Variants in FRYL observed in about 807,000 individuals in gnomAD.
FRYL encodes the protein FRY like transcription coactivator.
Under a neutral mutation model 351.2 loss-of-function variants are expected in FRYL, and 150 were observed. That is an observed-to-expected ratio of 0.43 (90% confidence interval 0.37 to 0.49). The LOEUF is 0.49. Ranked by LOEUF, FRYL falls within the 20% of genes least tolerant of loss-of-function variation. The pLI is 0.00. For synonymous variants in FRYL, 1,153 were observed against 1,257.1 expected, an observed-to-expected ratio of 0.92 and a Z score of 1.75; for missense variants, 3,036 against 3,619.3, an observed-to-expected ratio of 0.84 and a Z score of 4.13.
chr4:48,554,457 A>C (rs1379920279), intron 35 of FRYL, among the ~76,000 whole-genome samples: 1 of 151,718 alleles, frequency 6.6e-6, no homozygotes, highest in Non-Finnish European at 1.5e-5. Flanking sequence ...CCCCTGCGTC[A>C]GCCTCCGAGT....
At chr4:48,553,887 T>A (rs1161833820) in intron 35 of FRYL, among the ~76,000 whole-genome samples, 3 of 152,178 alleles carry the variant, frequency 2.0e-5, no homozygotes, top group Non-Finnish European at 4.4e-5. Flanking sequence ...TGGTTTGGAA[T>A]GTGGATATAC....
chr4:48,567,348 T>C lies in FRYL; in HGVS notation c.3069A>G (p.Arg1023=). The change falls in exon 28 of 64, where the codon AGA becomes AGG. Residue 1023 remains arginine (R), a synonymous_variant. Transcript: ENST00000358350. The surrounding 1 kb of genome is among the most constrained non-coding windows in gnomAD (Gnocchi z 4.2). ...TTTCATTTTCTGCTTCCAGGAGTTG[T>C]CTAGTTAAATCTACATATTCCAATA... ...NTLLEYVDLT[R]QLLEAENEKD... The C allele has an allele frequency of 1.2e-6, 2 of 1,612,338 alleles. No individual in the cohort carries two copies. The highest frequency in any genetic ancestry group is 1.7e-6 in the Non-Finnish European group (2 of 1,178,902).
chr4:48,773,344 C>T (rs1468901486), intron 1 of FRYL, among the ~76,000 whole-genome samples: 3 of 152,106 alleles, frequency 2.0e-5, no homozygotes, highest in Admixed American at 1.3e-4. Context: ...AATGCAAATC[C>T]ATCATGATCA....
intron 3 of FRYL, among the ~76,000 whole-genome samples, chr4:48,675,416 G>A (rs1763466480): frequency 6.6e-6 from 1 of 152,240 alleles, no homozygotes; most frequent in Non-Finnish European, 1.5e-5. Flanking sequence ...GCGTGGGCTT[G>A]CCAGGCCCGG....
At chr4:48,564,836 A>G (rs1222633864) in intron 30 of FRYL, 97 bp downstream of exon 30, 3 of 630,328 alleles carry the variant, frequency 4.8e-6, no homozygotes, top group African/African-American at 3.8e-5. Context: ...AACCTATCTT[A>G]TTTTTTTAAA....
At chr4:48,685,851 T>C (rs1765101690) in intron 2 of FRYL, among the ~76,000 whole-genome samples, 1 of 152,082 alleles carries the variant, frequency 6.6e-6, no homozygotes, top group African/African-American at 2.4e-5. Context: ...CCTCCCGGGT[T>C]CAAGCGATTC....
At chr4:48,579,299 A>G in intron 22 of FRYL, 58 bp from the exon 23 acceptor site, 1 of 1,405,762 alleles carries the variant, frequency 7.1e-7, no homozygotes, top group Non-Finnish European at 9.7e-7. Flanking sequence ...AAATTTTACC[A>G]TATAAATTGC....
intron 1 of FRYL, among the ~76,000 whole-genome samples, chr4:48,722,225 A>G (rs1254629680): frequency 3.3e-5 from 5 of 152,190 alleles, no homozygotes; most frequent in African/African-American, 1.2e-4. Flanking sequence ...TAACAATGGG[A>G]AGCAGATACT....
rs538732884 is a variant in FRYL, at chr4:48,759,329, G to A, written c.-384+20749C>T. 2.3e-4 allele frequency among the ~76,000 whole-genome samples: 35 copies of A among 152,280 alleles called. 1 individual carries two copies. In the South Asian group the frequency reaches 3.5e-3, roughly 15 times the overall value. ...AAGGAAAACTAGATGTGTTGTAGCAGACAAGGGTTAAGGTTAGCAGGTTGT... is the reference window on the plus strand; with the variant it reads ...AAGGAAAACTAGATGTGTTGTAGCAAACAAGGGTTAAGGTTAGCAGGTTGT... On this transcript the variant is annotated intron_variant, in intron 1 of 63. Transcript: ENST00000358350.
At chr4:48,507,292 C>G (rs1721319160) in intron 59 of FRYL, among the ~76,000 whole-genome samples, 1 of 152,154 alleles carries the variant, frequency 6.6e-6, no homozygotes, top group Non-Finnish European at 1.5e-5. Flanking sequence ...CCACACCTTT[C>G]CAGCCAGAGC....
Position 48,550,476 on chromosome 4 carries a change from C to A in FRYL, c.4633+116G>T, listed in dbSNP as rs187620058. ...GATTATGTTGGAACACCACTAGTGGCAGTTAAATACGCTTTTTAAAAACAA... is the reference window on the plus strand; with the variant it reads ...GATTATGTTGGAACACCACTAGTGGAAGTTAAATACGCTTTTTAAAAACAA... On this transcript the variant is annotated intron_variant, in intron 38 of 63. Transcript: ENST00000358350. 239 of 655,558 alleles carry A rather than the reference C, an allele frequency of 3.6e-4. No homozygotes were observed. The African/African-American group carries it at 4.1e-3, about 11-fold the overall frequency. The allele number at this position is 655,558 out of a possible 1,614,324, so 40.6% of individuals were successfully genotyped here. A position where few individuals can be genotyped will look rare whatever the true frequency, so the allele number is the denominator to read the frequency against.
chr4:48,528,635 T>G (rs1009650044), intron 50 of FRYL, among the ~76,000 whole-genome samples: 9 of 152,180 alleles, frequency 5.9e-5, no homozygotes, highest in Non-Finnish European at 4.4e-5. Context: ...CCCACCATGA[T>G]TATAAAATAT....
intron 31 of FRYL, among the ~76,000 whole-genome samples, chr4:48,563,695 G>A (rs1358416636): frequency 7.4e-5 from 11 of 148,948 alleles, no homozygotes; most frequent in East Asian, 2.0e-4. Context: ...GGGTGACAGC[G>A]AGACCATGTC....
chr4:48,628,431 C>CGTGTGTGTGTGT (rs397993302), intron 4 of FRYL, among the ~76,000 whole-genome samples: 33,297 of 144,462 alleles, frequency 0.23, 4,630 homozygotes, highest in Middle Eastern at 0.32. Flanking sequence ...CCTTCATTTG[C>CGTGTGTGTGTGT]GTGTGTGTGT....
intron 27 of FRYL, among the ~76,000 whole-genome samples, chr4:48,570,091 G>C (rs1157179116): frequency 6.6e-6 from 1 of 152,188 alleles, no homozygotes; most frequent in African/African-American, 2.4e-5. Flanking sequence ...TGGGATTACA[G>C]GCGTGAGCCA....
intron 1 of FRYL, among the ~76,000 whole-genome samples, chr4:48,734,961 T>C (rs969009711): frequency 2.6e-5 from 4 of 151,116 alleles, no homozygotes; most frequent in East Asian, 1.9e-4. Flanking sequence ...AAAGACAAAA[T>C]TGACAAATGG....
At chr4:48,527,362 G>C (rs1231382365) in intron 53 of FRYL, 115 bp downstream of exon 53, 1 of 659,574 alleles carries the variant, frequency 1.5e-6, no homozygotes, top group African/African-American at 1.8e-5. Flanking sequence ...TCCTAATTTA[G>C]ATTTTTACCT....
At chr4:48,598,785 G>A (rs989945188) in intron 13 of FRYL, 1 of 889,854 alleles carries the variant, frequency 1.1e-6, no homozygotes, top group Admixed American at 6.2e-5. Context: ...CACGCTTAAA[G>A]GAAATAAAGC....
intron 9 of FRYL, among the ~76,000 whole-genome samples, chr4:48,606,973 TA>T (rs1207019089): frequency 2.0e-5 from 3 of 152,204 alleles, no homozygotes; most frequent in African/African-American, 7.2e-5. Context: ...TCTTTTTATA[TA>T]AAGTCTGCAA....
Sources: gnomAD v4.1 joint callset for allele counts (sites outside exome capture counted in the v4.1 genomes callset) on GRCh38, gnomAD v4.1.1 for gene constraint, Gnocchi (gnomAD v3.1) non-coding constraint, MANE v1.5 for transcripts, NCBI Gene and HGNC (gene_info 2026-07-23, HGNC 2026-07-21) for gene names.